Variants in DIAPH2 observed in about 807,000 individuals in gnomAD.
The protein encoded by DIAPH2 is protein diaphanous homolog 2.
In DIAPH2, 35 loss-of-function variants were observed where a neutral mutation model predicts 92.7. The observed-to-expected ratio is 0.38, with a 90% CI of 0.29 to 0.50. The LOEUF (loss-of-function observed/expected upper bound fraction) is 0.50, where lower values mean the gene tolerates loss of function less well. DIAPH2 is among the 20% of genes least tolerant of loss of function. The pLI is 0.94. For synonymous variants in DIAPH2, 301 were observed against 280.4 expected (o/e 1.07, Z -0.73); for missense variants, 701 against 819.5 (o/e 0.86, Z 1.77).
chrX:97,364,877 C>T (rs1412753376), intron 24 of DIAPH2, among the ~76,000 whole-genome samples: 1 of 107,655 alleles, frequency 9.3e-6, no homozygotes, highest in African/African-American at 3.4e-5. Context: ...ATTCCAATGG[C>T]TCCTACACTT....
intron 7 of DIAPH2, 30 bp from the exon 8 acceptor site, chrX:96,916,408 T>A: frequency 9.1e-7 from 1 of 1,095,116 alleles, no homozygotes; most frequent in Non-Finnish European, 1.2e-6. Flanking sequence ...ATAGACATTC[T>A]GAATGAAGGT....
intron 26 of DIAPH2, among the ~76,000 whole-genome samples, chrX:97,439,287 G>T (rs1430736395): frequency 1.8e-5 from 2 of 111,369 alleles, no homozygotes; most frequent in Non-Finnish European, 3.8e-5. Flanking sequence ...TTGAAAATTA[G>T]CCAGGGGTGG....
intron 26 of DIAPH2, among the ~76,000 whole-genome samples, chrX:97,555,868 C>G (rs898994835): frequency 5.4e-5 from 6 of 111,792 alleles, no homozygotes; most frequent in African/African-American, 2.0e-4. Context: ...TTGTTACAAA[C>G]TTACCCTAAA....
At chrX:97,310,139 A>C in intron 23 of DIAPH2, among the ~76,000 whole-genome samples, 1 of 112,530 alleles carries the variant, frequency 8.9e-6, no homozygotes, top group Non-Finnish European at 1.9e-5. Context: ...CAAAATTTCC[A>C]CCAAAGAATC....
At position 97,420,045 on chromosome X, in the gene DIAPH2, G is replaced by A. The variant is rs1402736022; in HGVS notation, c.3146-9605G>A. Among the ~76,000 whole-genome samples, 6 of 111,035 alleles carry A rather than the reference G, an allele frequency of 5.4e-5. No homozygotes were observed. In the East Asian group the frequency reaches 1.1e-3, roughly 21 times the overall value. ...GCATAAACTGGTTTTTCTGGTAAGC[G>A]TTAACATTTAGGTTTATTGGGTGCT... is the stretch of plus-strand genomic sequence containing the variant. On this transcript the variant is annotated intron_variant, in intron 25 of 26. Transcript: ENST00000324765.
intron 4 of DIAPH2, among the ~76,000 whole-genome samples, chrX:96,760,334 C>T: frequency 9.0e-6 from 1 of 111,198 alleles, no homozygotes; most frequent in Middle Eastern, 4.7e-3. Context: ...AACCTTTTTA[C>T]CTTTTCATTA....
intron 4 of DIAPH2, among the ~76,000 whole-genome samples, chrX:96,775,863 A>G (rs1044249327): frequency 5.4e-5 from 6 of 111,722 alleles, no homozygotes; most frequent in African/African-American, 1.9e-4. Context: ...GTACACATTT[A>G]AATCATTATA....
chrX:97,386,283 G>C (rs1279634044), intron 25 of DIAPH2, among the ~76,000 whole-genome samples: 1 of 111,996 alleles, frequency 8.9e-6, no homozygotes, highest in African/African-American at 3.2e-5. Context: ...TCATGACTGA[G>C]GTCACTCTAT....
intron 23 of DIAPH2, among the ~76,000 whole-genome samples, chrX:97,274,006 GGTGTGTGTGTGTGTGT>G (rs55778849): frequency 8.0e-4 from 69 of 86,732 alleles, no homozygotes; most frequent in Admixed American, 2.2e-3. Flanking sequence ...TAAAACTAGC[GGTGTGTGTGTGTGTGT>G]GTGTGTGTGT....
chrX:97,524,100 C>G lies in DIAPH2; in HGVS notation c.3242-75153C>G, dbSNP rs760553610. Among the ~76,000 whole-genome samples, 11 of 111,617 alleles carry G rather than the reference C, an allele frequency of 9.9e-5. No homozygotes were observed. The South Asian group carries it at 4.2e-3, about 42-fold the overall frequency. On this transcript the variant is annotated intron_variant, in intron 26 of 26. Transcript: ENST00000324765. Reference sequence around the variant, plus strand: ...TTTGTTTTCTGAGCATTTATCACCACCCGTCATGTATTTATTTGTTCATCA... The same window carrying G: ...TTTGTTTTCTGAGCATTTATCACCAGCCGTCATGTATTTATTTGTTCATCA...
chrX:97,222,060 C>T (rs1274597936), intron 22 of DIAPH2, among the ~76,000 whole-genome samples: 1 of 111,436 alleles, frequency 9.0e-6, no homozygotes, highest in African/African-American at 3.3e-5. Flanking sequence ...CTACAGCAAA[C>T]TTCATCGTAT....
rs1016522017 is a variant in DIAPH2, at chrX:97,029,960, A to G, written c.2051-42981A>G. On this transcript the variant is annotated intron_variant, in intron 17 of 26. Transcript: ENST00000324765. The stretch of plus-strand genomic sequence containing the variant: ...ATGATGATCAGCTTTTCTTCCCACT[A>G]GTTTGTGACTCAGGTTCCTTTTTAA... Among the ~76,000 whole-genome samples the G allele has an allele frequency of 3.6e-5, 4 of 111,037 alleles. No individual in the cohort carries two copies. In the Admixed American group the frequency reaches 3.9e-4, roughly 11 times the overall value.
chrX:97,510,704 A>G (rs2070882189), intron 26 of DIAPH2, among the ~76,000 whole-genome samples: 1 of 97,212 alleles, frequency 1.0e-5, no homozygotes, highest in African/African-American at 3.7e-5. Context: ...TAAGGAAGGG[A>G]TGCAGTTTCA....
chrX:97,019,605 A>G (rs977898061), intron 17 of DIAPH2, among the ~76,000 whole-genome samples: 4 of 110,698 alleles, frequency 3.6e-5, no homozygotes, highest in African/African-American at 1.3e-4. Context: ...TATATTCTAC[A>G]TATATGGATG....
intron 26 of DIAPH2, among the ~76,000 whole-genome samples, chrX:97,551,588 C>T (rs557639149): frequency 1.3e-4 from 14 of 104,403 alleles, no homozygotes; most frequent in Non-Finnish European, 2.5e-4. Flanking sequence ...AACGAGACTC[C>T]GTTTTTTAAA....
chrX:96,883,311 T>G (rs3138315), intron 5 of DIAPH2, among the ~76,000 whole-genome samples: 3,834 of 111,294 alleles, frequency 0.034, 187 homozygotes, highest in African/African-American at 0.12. Context: ...TATCTTAGAG[T>G]ATGATAATCG....
chrX:97,351,744 A>G (rs768965832), intron 24 of DIAPH2, among the ~76,000 whole-genome samples: 2 of 111,137 alleles, frequency 1.8e-5, no homozygotes, highest in Admixed American at 9.5e-5. Flanking sequence ...CGGAGCTTGC[A>G]GTGAGCCAAG....
chrX:97,379,779 A>ATGG (rs1312419022), intron 24 of DIAPH2, among the ~76,000 whole-genome samples: 4 of 111,618 alleles, frequency 3.6e-5, no homozygotes, highest in Admixed American at 2.9e-4. Context: ...GTTTGCTGTA[A>ATGG]TGGTGGTGGT....
At chrX:96,725,007 C>T (rs2147554490) in intron 1 of DIAPH2, among the ~76,000 whole-genome samples, 1 of 111,273 alleles carries the variant, frequency 9.0e-6, no homozygotes, top group South Asian at 3.8e-4. Flanking sequence ...AGCTCTTACT[C>T]CACTTCAATT....
Sources: allele counts gnomAD v4.1 joint callset (sites outside exome capture counted in the v4.1 genomes callset), GRCh38; gene constraint gnomAD v4.1.1; transcripts MANE v1.5; gene names NCBI Gene and HGNC (gene_info 2026-07-23, HGNC 2026-07-21).